MAP3K9: variants seen among roughly 807,000 people sequenced by gnomAD.
MAP3K9 encodes mixed lineage kinase 1 (tyr and ser/thr specificity).
Under a neutral mutation model 95.8 loss-of-function variants are expected in MAP3K9, and 46 were observed. The observed-to-expected ratio is 0.48, with a 90% CI of 0.38 to 0.61. The LOEUF (loss-of-function observed/expected upper bound fraction) is 0.61, where lower values mean the gene tolerates loss of function less well. Among genes scored for constraint, MAP3K9 ranks in the 20% least tolerant of loss-of-function variants. The probability of loss-of-function intolerance (pLI) is 0.00; values close to 1 mark genes in which losing one functional copy is unlikely to be tolerated. For missense variants in MAP3K9, 1,296 were observed against 1,474.3 expected (o/e 0.88, Z 1.98); for synonymous variants, 533 against 593.8 (o/e 0.90, Z 1.49).
intron 2 of MAP3K9, among the ~76,000 whole-genome samples, chr14:70,780,814 T>C (rs2054665386): frequency 1.3e-5 from 2 of 152,218 alleles, no homozygotes; most frequent in South Asian, 4.1e-4. Flanking sequence ...GTCATACCTC[T>C]GAAGTACCCA....
chr14:70,796,440 C>A (rs989161524), intron 2 of MAP3K9, among the ~76,000 whole-genome samples: 2 of 152,124 alleles, frequency 1.3e-5, no homozygotes, highest in African/African-American at 4.8e-5. Flanking sequence ...CAGTTCATAC[C>A]GATGCATGTC....
intron 2 of MAP3K9, among the ~76,000 whole-genome samples, chr14:70,789,533 T>G (rs558543406): frequency 6.6e-6 from 1 of 152,358 alleles, no homozygotes; most frequent in Admixed American, 6.5e-5. Flanking sequence ...ACTGCTCATT[T>G]CTGTGTTGTT....
At chr14:70,790,331 AC>A (rs1183837333) in intron 2 of MAP3K9, among the ~76,000 whole-genome samples, 1 of 152,228 alleles carries the variant, frequency 6.6e-6, no homozygotes, top group African/African-American at 2.4e-5. Flanking sequence ...AGGCAGACAA[AC>A]CGTGTAGTCA....
rs1429957672 is a variant in MAP3K9 at position 70,728,289 on chromosome 14, T to C, written c.*2091A>G. ...GGCACGTGCCACCATGCCTGGCTAA[T>C]TTTTTTGTATTTTTAGTAGAGACAG... is the stretch of plus-strand genomic sequence containing the variant. On this transcript the variant is annotated 3_prime_UTR_variant, in exon 12 of 12. Transcript: ENST00000554752. The C allele has an allele frequency of 2.0e-5, 3 of 151,846 alleles. No individual in the cohort carries two copies. The highest frequency in any genetic ancestry group is 4.4e-5 in the Non-Finnish European group (3 of 68,010). The allele number at this position is 151,846 out of a possible 1,614,324, so 9.4% of individuals were successfully genotyped here.
intron 6 of MAP3K9, 43 bp downstream of exon 6, chr14:70,742,308 C>T: frequency 3.1e-6 from 5 of 1,597,432 alleles, no homozygotes; most frequent in Non-Finnish European, 4.3e-6. Context: ...CACACGAGTT[C>T]TTTGCCCTGC....
intron 5 of MAP3K9, among the ~76,000 whole-genome samples, chr14:70,745,839 T>G (rs569580570): frequency 1.3e-5 from 2 of 152,278 alleles, no homozygotes; most frequent in Admixed American, 1.3e-4. Flanking sequence ...GAATAACTAT[T>G]GAGTCAATAA....
At chr14:70,798,342 G>C (rs1044129726) in intron 2 of MAP3K9, among the ~76,000 whole-genome samples, 7 of 151,572 alleles carry the variant, frequency 4.6e-5, no homozygotes, top group African/African-American at 1.2e-4. Context: ...ACAGTACTTT[G>C]CCTACTTCTC....
rs1178484450 is a variant in MAP3K9, at chr14:70,808,922, T to C, written c.250A>G (p.Lys84Glu). The C allele has an allele frequency of 6.3e-7, 1 of 1,590,512 alleles. No individual in the cohort carries two copies. The highest frequency in any genetic ancestry group is 8.5e-7 in the Non-Finnish European group (1 of 1,173,132). Residue 84 changes from lysine (K) to glutamate (E), a missense_variant, in exon 1 of 12, where the codon AAG becomes GAG. Transcript: ENST00000554752. Reference protein sequence around the residue: ...RLGDVVEVLSKDSQVSGDEGW... With the variant: ...RLGDVVEVLSEDSQVSGDEGW... ...TCGTCGCCGGACACCTGCGAGTCCT[T>C]GGACAGCACCTCCACCACGTCGCCC...
At chr14:70,791,300 A>C (rs1336725727) in intron 2 of MAP3K9, among the ~76,000 whole-genome samples, 1 of 152,200 alleles carries the variant, frequency 6.6e-6, no homozygotes, top group East Asian at 1.9e-4. Flanking sequence ...AAGGCCCTTC[A>C]TACAGCACAA....
chr14:70,731,933 G>A (rs2053909425), intron 11 of MAP3K9, among the ~76,000 whole-genome samples: 1 of 152,142 alleles, frequency 6.6e-6, no homozygotes, highest in African/African-American at 2.4e-5. Flanking sequence ...AGGAAAGAGT[G>A]TGTGTCCCCA....
intron 2 of MAP3K9, among the ~76,000 whole-genome samples, chr14:70,798,682 T>G (rs974468325): frequency 1.3e-5 from 2 of 151,294 alleles, no homozygotes; most frequent in Admixed American, 6.6e-5. Flanking sequence ...GTTTCACCGT[T>G]TTAGCCGGGA....
At chr14:70,797,539 A>G (rs959654691) in intron 2 of MAP3K9, among the ~76,000 whole-genome samples, 4 of 152,118 alleles carry the variant, frequency 2.6e-5, no homozygotes, top group African/African-American at 9.7e-5. Context: ...GGAGTTCGAG[A>G]CCAGGCTGGC....
At chr14:70,731,725 A>G (rs998944231) in intron 11 of MAP3K9, among the ~76,000 whole-genome samples, 13 of 152,310 alleles carry the variant, frequency 8.5e-5, no homozygotes, top group African/African-American at 2.6e-4. Flanking sequence ...TCTGTTCCCA[A>G]AGAGGTCACA....
At chr14:70,734,651 C>A (rs1166777310) in intron 9 of MAP3K9, among the ~76,000 whole-genome samples, 153 bp from the exon 10 acceptor site, 2 of 152,218 alleles carry the variant, frequency 1.3e-5, no homozygotes, top group Non-Finnish European at 2.9e-5. Context: ...ACCAAGCCCA[C>A]CTGCTTCACA....
Position 70,723,535 on chromosome 14 carries a change from T to C in MAP3K9, c.*6845A>G, listed in dbSNP as rs926169988. The C allele has an allele frequency of 6.6e-6, 1 of 152,126 alleles. No individual in the cohort carries two copies. The highest frequency in any genetic ancestry group is 1.5e-5 in the Non-Finnish European group (1 of 68,028). The allele number at this position is 152,126 out of a possible 1,614,324, so 9.4% of individuals were successfully genotyped here. On this transcript the variant is annotated 3_prime_UTR_variant, in exon 12 of 12. Transcript: ENST00000554752. ...TCTCAAAACCTCGGTGGACCTGAGCTAGGCCAACTTTATCTCAAGAGCTTC... is the reference window on the plus strand; with the variant it reads ...TCTCAAAACCTCGGTGGACCTGAGCCAGGCCAACTTTATCTCAAGAGCTTC...
In MAP3K9 at chr14:70,809,094, C is replaced by T; in HGVS notation, c.78G>A (p.Gly26=). The change falls in exon 1 of 12, where the codon GGG becomes GGA. Residue 26 remains glycine (G), a synonymous_variant. Transcript: ENST00000554752. ...AAAPPGEDGA[G]AGAEEEEEEE... ...CCTCCTCCTCCTCCTCGGCCCCGGC[C>T]CCTGCTCCATCCTCCCCCGGCGGGG... 1 of 1,408,718 alleles carries T rather than the reference C, an allele frequency of 7.1e-7. No individual in the cohort carries two copies. Among genetic ancestry groups the T allele is most frequent in the South Asian group, 1.6e-5 (1 of 63,762 alleles). 87.3% of individuals were successfully genotyped at this position (1,408,718 alleles called of 1,614,324 possible).
At chr14:70,803,639 A>G (rs1234059905) in intron 1 of MAP3K9, among the ~76,000 whole-genome samples, 3 of 152,212 alleles carry the variant, frequency 2.0e-5, no homozygotes, top group Non-Finnish European at 4.4e-5. Flanking sequence ...TGCAACTGGC[A>G]GTCTGCACAA....
intron 2 of MAP3K9, among the ~76,000 whole-genome samples, chr14:70,782,573 A>C (rs1051398635): frequency 1.3e-5 from 2 of 152,210 alleles, no homozygotes; most frequent in Non-Finnish European, 2.9e-5. Flanking sequence ...AGCCCTGGAA[A>C]GCTATGAAAC....
At position 70,730,592 on chromosome 14, in the gene MAP3K9, A is replaced by T; in HGVS notation, c.3103T>A (p.Cys1035Ser). The stretch of plus-strand genomic sequence containing the variant: ...ACAGTGCTGCTACTGCTAGCAAAGC[A>T]GGAGTCCAGGTTGCTGGGCGTCTCT... ...STETPSNLDSCFASSSSTVEE... is the reference protein window; with the variant it reads ...STETPSNLDSSFASSSSTVEE... The change falls in exon 12 of 12, where the codon TGC (cysteine) becomes AGC (serine). Residue 1035 changes from cysteine (C) to serine (S), a missense_variant. Physicochemically the swap from Cys to Ser is moderately radical, Grantham distance 112. This residue lies in a region of MAP3K9 where 433 missense variants were observed against 441.4 expected (regional missense o/e 0.98). Transcript: ENST00000554752. The T allele has an allele frequency of 1.9e-6, 3 of 1,614,078 alleles. No homozygotes were observed. Among genetic ancestry groups the T allele is most frequent in the Non-Finnish European group, 2.5e-6 (3 of 1,180,048 alleles).
Sources: allele counts gnomAD v4.1 joint callset (sites outside exome capture counted in the v4.1 genomes callset), GRCh38; gene constraint gnomAD v4.1.1; regional missense constraint gnomAD v4.1.1; transcripts MANE v1.5; gene names NCBI Gene and HGNC (gene_info 2026-07-23, HGNC 2026-07-21).